Variants in RHOJ observed in about 807,000 individuals in gnomAD.
The protein encoded by RHOJ is ras homolog family member J.
In RHOJ, 11 loss-of-function variants were observed where a neutral mutation model predicts 23.4. The observed-to-expected ratio is 0.47, with a 90% CI of 0.30 to 0.78. RHOJ has a LOEUF of 0.78. RHOJ is among the 30% of genes least tolerant of loss of function. The pLI, the probability that RHOJ is intolerant of heterozygous loss-of-function variation, is 0.08. For synonymous variants in RHOJ, 102 were observed against 102.7 expected, an observed-to-expected ratio of 0.99 and a Z score of 0.04; for missense variants, 254 against 273.4, an observed-to-expected ratio of 0.93 and a Z score of 0.50.
intron 4 of RHOJ, among the ~76,000 whole-genome samples, chr14:63,290,599 A>G (rs1882214264): frequency 1.3e-5 from 2 of 151,894 alleles, no homozygotes; most frequent in African/African-American, 4.8e-5. Context: ...ATAAATGGCT[A>G]TGGGTCAATT....
At chr14:63,269,245 G>A (rs1895423271) in intron 2 of RHOJ, 77 bp downstream of exon 2, 7 of 1,009,672 alleles carry the variant, frequency 6.9e-6, no homozygotes, top group South Asian at 1.3e-5. Context: ...ATGCAGATGG[G>A]ACTCATAGCA....
chr14:63,291,081 G>C lies in RHOJ; in HGVS notation c.*57G>C, dbSNP rs1356341916. 1.9e-6 allele frequency: 3 copies of C among 1,598,888 alleles called. No individual in the cohort carries two copies. Among genetic ancestry groups the C allele is most frequent in the Non-Finnish European group, 2.6e-6 (3 of 1,169,256 alleles). ...GGGATGAGAATGGCAGCCAATCTCT[G>C]TGGCCAAGCTCCAGCCAAAAAGGAG... On this transcript the variant is annotated 3_prime_UTR_variant, in exon 5 of 5. Coordinates refer to ENST00000316754, the MANE Select transcript of RHOJ (RefSeq NM_020663.5).
intron 4 of RHOJ, among the ~76,000 whole-genome samples, chr14:63,290,209 C>A (rs539957225): frequency 1.3e-5 from 2 of 152,150 alleles, no homozygotes; most frequent in South Asian, 4.2e-4. Context: ...CCACTGCACT[C>A]CAGCCTGGGC....
intron 1 of RHOJ, among the ~76,000 whole-genome samples, chr14:63,250,493 C>T (rs1895050062): frequency 6.6e-6 from 1 of 152,120 alleles, no homozygotes; most frequent in South Asian, 2.1e-4. Context: ...CCCACCTTGG[C>T]CTCCCCAAAG....
intron 1 of RHOJ, among the ~76,000 whole-genome samples, chr14:63,209,572 A>G (rs2139726183): frequency 6.6e-6 from 1 of 152,206 alleles, no homozygotes; most frequent in East Asian, 1.9e-4. Context: ...TCTCTCTTTA[A>G]CCTATCTTGC....
intron 2 of RHOJ, among the ~76,000 whole-genome samples, chr14:63,279,064 T>C (rs1345150702): frequency 6.6e-6 from 1 of 152,246 alleles, no homozygotes; most frequent in Admixed American, 6.5e-5. Context: ...GAGGAAATAC[T>C]ATTAGACATC....
intron 1 of RHOJ, among the ~76,000 whole-genome samples, chr14:63,243,734 G>T (rs1052277329): frequency 1.3e-5 from 2 of 152,130 alleles, no homozygotes; most frequent in Non-Finnish European, 2.9e-5. Context: ...AAAAAGCATT[G>T]CCATGAAACA....
intron 1 of RHOJ, among the ~76,000 whole-genome samples, chr14:63,261,113 A>G (rs1339154459): frequency 6.6e-6 from 1 of 152,202 alleles, no homozygotes; most frequent in Admixed American, 6.5e-5. Context: ...TCTCTTCGTC[A>G]TTGCCAATTT....
At chr14:63,255,217 G>A (rs1490748778) in intron 1 of RHOJ, among the ~76,000 whole-genome samples, 3 of 152,114 alleles carry the variant, frequency 2.0e-5, no homozygotes, top group Admixed American at 2.0e-4. Flanking sequence ...GGTCCCTGCA[G>A]CTCTCTGCAG....
chr14:63,271,286 T>G (rs985526154), intron 2 of RHOJ, among the ~76,000 whole-genome samples: 1 of 152,220 alleles, frequency 6.6e-6, no homozygotes, highest in Non-Finnish European at 1.5e-5. Context: ...AGGCCTAAAA[T>G]TCTGTGATGA....
chr14:63,225,187 G>A (rs1212280041), intron 1 of RHOJ, among the ~76,000 whole-genome samples: 2 of 152,026 alleles, frequency 1.3e-5, no homozygotes, highest in African/African-American at 2.4e-5. Flanking sequence ...TCCTGACCTC[G>A]TGATCTGTCC....
At chr14:63,290,780 G>A in intron 4 of RHOJ, 98 bp from the exon 5 acceptor site, 1 of 1,232,290 alleles carries the variant, frequency 8.1e-7, no homozygotes, top group Non-Finnish European at 1.1e-6. Flanking sequence ...CTGTTTGTAG[G>A]ACAGGCAGAA....
intron 2 of RHOJ, among the ~76,000 whole-genome samples, chr14:63,272,684 C>T (rs1273813040): frequency 2.0e-5 from 3 of 152,184 alleles, no homozygotes; most frequent in Admixed American, 1.3e-4. Flanking sequence ...GAGCCATGGC[C>T]TGAGATACTC....
chr14:63,292,989 C>T lies in RHOJ; in HGVS notation c.*1965C>T, dbSNP rs1882297298. 1 of 151,732 alleles carries T rather than the reference C, an allele frequency of 6.6e-6. No homozygotes were observed. The highest frequency in any genetic ancestry group is 2.1e-4 in the South Asian group (1 of 4,792). The allele number at this position is 151,732 out of a possible 1,614,324, so 9.4% of individuals were successfully genotyped here. On this transcript the variant is annotated 3_prime_UTR_variant, in exon 5 of 5. Coordinates refer to ENST00000316754, the MANE Select transcript of RHOJ (RefSeq NM_020663.5). Reference sequence around the variant, plus strand: ...CAACCTACATTTCAAGTACTATTTCCCTTCTCTCCCATCTAATTGCTAAAG... The same window carrying T: ...CAACCTACATTTCAAGTACTATTTCTCTTCTCTCCCATCTAATTGCTAAAG...
intron 2 of RHOJ, among the ~76,000 whole-genome samples, chr14:63,273,364 G>A (rs1895505836): frequency 6.6e-6 from 1 of 152,210 alleles, no homozygotes; most frequent in Non-Finnish European, 1.5e-5. Context: ...CTAGTAGTGT[G>A]TTACTGAATG....
At chr14:63,277,155 C>T (rs1011616118) in intron 2 of RHOJ, among the ~76,000 whole-genome samples, 1 of 152,208 alleles carries the variant, frequency 6.6e-6, no homozygotes, top group African/African-American at 2.4e-5. Flanking sequence ...ATACCCCATC[C>T]TGGTATTTAT....
chr14:63,231,891 G>C (rs1180305999), intron 1 of RHOJ, among the ~76,000 whole-genome samples: 1 of 152,116 alleles, frequency 6.6e-6, no homozygotes, highest in Non-Finnish European at 1.5e-5. Flanking sequence ...CCTATATCCA[G>C]GGAAGAGCAA....
chr14:63,225,327 G>T (rs1415156717), intron 1 of RHOJ, among the ~76,000 whole-genome samples: 1 of 152,120 alleles, frequency 6.6e-6, no homozygotes, highest in Non-Finnish European at 1.5e-5. Context: ...AACATGAATT[G>T]CCTCCAGCTT....
chr14:63,237,271 C>T (rs1026039583), intron 1 of RHOJ, among the ~76,000 whole-genome samples: 1 of 151,560 alleles, frequency 6.6e-6, no homozygotes, highest in African/African-American at 2.4e-5. Flanking sequence ...AGCTTGGACC[C>T]GTATGAAATA....
Sources: gnomAD v4.1 joint callset for allele counts (sites outside exome capture counted in the v4.1 genomes callset) on GRCh38, gnomAD v4.1.1 for gene constraint, MANE v1.5 for transcripts, NCBI Gene and HGNC (gene_info 2026-07-23, HGNC 2026-07-21) for gene names.